DYNC2I1: variants seen among roughly 807,000 people sequenced by gnomAD.
DYNC2I1 encodes the protein cytoplasmic dynein 2 intermediate chain 1.
In DYNC2I1, 89 loss-of-function variants were observed where a neutral mutation model predicts 133.4. That is an observed-to-expected ratio of 0.67 (90% CI 0.56 to 0.80). The LOEUF (loss-of-function observed/expected upper bound fraction) is 0.80, where lower values mean the gene tolerates loss of function less well. Ranked by LOEUF, DYNC2I1 falls within the 30% of genes least tolerant of loss-of-function variation. The pLI is 0.00. For synonymous variants in DYNC2I1, 504 were observed against 484.3 expected (o/e 1.04, Z -0.54); for missense variants, 1,291 against 1,314.5 (o/e 0.98, Z 0.28).
intron 11 of DYNC2I1, among the ~76,000 whole-genome samples, chr7:158,910,087 ATC>A (rs1334887426): frequency 6.6e-6 from 1 of 152,218 alleles, no homozygotes; most frequent in Non-Finnish European, 1.5e-5. Flanking sequence ...AGAAACAAAA[ATC>A]TCTGCCCTTG....
downstream of DYNC2I1, among the ~76,000 whole-genome samples, chr7:158,947,233 G>A (rs760085090): frequency 2.0e-5 from 3 of 152,144 alleles, no homozygotes; most frequent in Admixed American, 6.5e-5. Context: ...GCATCTTCGC[G>A]GAACCCAGGT....
chr7:158,933,346 G>C (rs1850415353), intron 21 of DYNC2I1, among the ~76,000 whole-genome samples: 1 of 152,256 alleles, frequency 6.6e-6, no homozygotes, highest in Non-Finnish European at 1.5e-5. Flanking sequence ...GTGATGGCTT[G>C]GAGGCTGGGT....
intron 5 of DYNC2I1, among the ~76,000 whole-genome samples, chr7:158,884,272 C>T (rs928245965): frequency 5.3e-5 from 8 of 151,718 alleles, no homozygotes; most frequent in South Asian, 2.1e-4. Flanking sequence ...CTATAACTCC[C>T]GACCTCAGGT....
chr7:158,891,183 G>C, intron 7 of DYNC2I1, 82 bp from the exon 8 acceptor site: 1 of 1,507,342 alleles, frequency 6.6e-7, no homozygotes, highest in Non-Finnish European at 9.2e-7. Context: ...CTCCGCAGTG[G>C]TGGGGTGGGG....
Position 158,942,081 on chromosome 7 carries a change from A to T in DYNC2I1, c.2935A>T (p.Ile979Phe). The change falls in exon 24 of 25, where the codon ATC becomes TTC. Residue 979 changes from isoleucine to phenylalanine, a missense_variant. Transcript: ENST00000407559. ...CCTGGTGCAGGACGACACATCCAAC[A>T]TCTACATCTGGGACCTCCTCCAGAG... ...VFLVQDDTSNIYIWDLLQSDL... is the reference protein window; with the variant it reads ...VFLVQDDTSNFYIWDLLQSDL... The T allele has an allele frequency of 6.2e-7, 1 of 1,610,138 alleles. No individual in the cohort carries two copies. The highest frequency in any genetic ancestry group is 8.5e-7 in the Non-Finnish European group (1 of 1,177,816).
the DYNC2I1 span, among the ~76,000 whole-genome samples, chr7:158,841,221 A>ATTTTTTT: frequency 2.3e-5 from 2 of 85,380 alleles, no homozygotes; most frequent in African/African-American, 9.3e-5. Flanking sequence ...ATATATATAT[A>ATTTTTTT]TTTTAGACAG....
chr7:158,875,931 A>G (rs746173275), intron 3 of DYNC2I1, among the ~76,000 whole-genome samples: 4 of 152,176 alleles, frequency 2.6e-5, no homozygotes. Flanking sequence ...GCCCTCTTGA[A>G]TTTCCAAGGG....
chr7:158,859,164 C>T (rs537440096), intron 1 of DYNC2I1, among the ~76,000 whole-genome samples: 2 of 149,908 alleles, frequency 1.3e-5, no homozygotes, highest in East Asian at 2.0e-4. Context: ...CCTGGCCTGT[C>T]GCATACCTTT....
At chr7:158,863,112 TGGCTGG>T (rs967091718) in intron 1 of DYNC2I1, among the ~76,000 whole-genome samples, 2 of 69,470 alleles carry the variant, frequency 2.9e-5, no homozygotes, top group South Asian at 5.3e-4. Context: ...TTGCCACTGC[TGGCTGG>T]GGGTGGGGGG....
chr7:158,912,751 G>A (rs1847614486), intron 12 of DYNC2I1, among the ~76,000 whole-genome samples: 1 of 152,170 alleles, frequency 6.6e-6, no homozygotes, highest in South Asian at 2.1e-4. Context: ...CAGGTGAGGT[G>A]GCAGTATTTT....
intron 1 of DYNC2I1, among the ~76,000 whole-genome samples, chr7:158,866,092 T>C (rs957690766): frequency 6.5e-5 from 8 of 122,602 alleles, no homozygotes; most frequent in Non-Finnish European, 9.8e-5. Context: ...TTTGTCAGTA[T>C]CAGTAATGTT....
chr7:158,846,159 TGAG>T, the DYNC2I1 span, among the ~76,000 whole-genome samples: 1 of 152,150 alleles, frequency 6.6e-6, no homozygotes, highest in African/African-American at 2.4e-5. Context: ...CTTGGGAGGC[TGAG>T]GCAGGAGAAT....
the DYNC2I1 span, among the ~76,000 whole-genome samples, chr7:158,841,792 T>G: frequency 1.3e-5 from 2 of 152,210 alleles, no homozygotes; most frequent in African/African-American, 4.8e-5. Flanking sequence ...AACTCTAGGT[T>G]GCTCTATTTG....
chr7:158,853,841 C>T (rs1169954679), upstream of DYNC2I1, among the ~76,000 whole-genome samples: 3 of 151,716 alleles, frequency 2.0e-5, no homozygotes, highest in Non-Finnish European at 2.9e-5. Context: ...TTAGTAGAGA[C>T]GGGCTTTCTC....
intron 22 of DYNC2I1, 65 bp from the exon 23 acceptor site, chr7:158,934,353 A>G (rs1850537187): frequency 6.4e-7 from 1 of 1,564,298 alleles, no homozygotes. Flanking sequence ...TTTGAGGAAC[A>G]GTAGCTGTAT....
intron 17 of DYNC2I1, 122 bp downstream of exon 17, chr7:158,923,855 C>T: frequency 7.7e-7 from 1 of 1,292,958 alleles, no homozygotes; most frequent in Non-Finnish European, 1.0e-6. Flanking sequence ...GGGTCTGACC[C>T]ATGGGCAAAA....
chr7:158,916,597 C>T (rs1848339098), intron 14 of DYNC2I1, among the ~76,000 whole-genome samples: 7 of 63,988 alleles, frequency 1.1e-4, no homozygotes, highest in Admixed American at 1.0e-3. Flanking sequence ...GAAACGTCGA[C>T]ACGCTGGTTG....
chr7:158,869,347 A>C (rs1842678106), intron 1 of DYNC2I1: 1 of 421,556 alleles, frequency 2.4e-6, no homozygotes, highest in South Asian at 1.7e-5. Flanking sequence ...TCTCTTCCTC[A>C]CAGGGAAGTA....
At chr7:158,873,586 T>C (rs1426757671) in intron 3 of DYNC2I1, among the ~76,000 whole-genome samples, 2 of 152,224 alleles carry the variant, frequency 1.3e-5, no homozygotes, top group Non-Finnish European at 2.9e-5. Flanking sequence ...TTACCACTAA[T>C]TTTGTTTTCT....
Sources: gnomAD v4.1 joint callset for allele counts (sites outside exome capture counted in the v4.1 genomes callset) on GRCh38, gnomAD v4.1.1 for gene constraint, MANE v1.5 for transcripts, NCBI Gene and HGNC (gene_info 2026-07-23, HGNC 2026-07-21) for gene names.